Variants in EFCAB5 observed in about 807,000 individuals in gnomAD.
EFCAB5 encodes the protein EF-hand calcium-binding domain-containing protein 5.
In EFCAB5, 131 loss-of-function variants were observed where a neutral mutation model predicts 167.9. The observed-to-expected ratio is 0.78, with a 90% CI of 0.68 to 0.90. EFCAB5 has a LOEUF of 0.90. Among genes scored for constraint, EFCAB5 ranks in the 40% least tolerant of loss-of-function variants. The probability of loss-of-function intolerance (pLI) is 0.00; values close to 1 mark genes in which losing one functional copy is unlikely to be tolerated. For missense variants in EFCAB5, 1,663 were observed against 1,745.2 expected, an observed-to-expected ratio of 0.95 and a Z score of 0.84; for synonymous variants, 574 against 602.8, an observed-to-expected ratio of 0.95 and a Z score of 0.70.
At chr17:29,943,682 A>G in intron 3 of EFCAB5, 33 bp downstream of exon 3, 1 of 1,537,048 alleles carries the variant, frequency 6.5e-7, no homozygotes, top group South Asian at 1.2e-5. Context: ...ATACAATAGA[A>G]TCTAAAACTG....
At chr17:30,100,745 C>T (rs146034165) in intron 22 of EFCAB5, among the ~76,000 whole-genome samples, 27 of 148,720 alleles carry the variant, frequency 1.8e-4, no homozygotes, top group Admixed American at 1.3e-3. Flanking sequence ...CCAACCTAGG[C>T]GACAGAGTGA....
intron 8 of EFCAB5, among the ~76,000 whole-genome samples, chr17:30,043,052 A>T (rs1397825073): frequency 6.6e-6 from 1 of 152,130 alleles, no homozygotes; most frequent in Admixed American, 6.6e-5. Flanking sequence ...GATTGAGGTA[A>T]GAGGAGTGCT....
chr17:29,930,306 C>T (rs1054458797), intron 1 of EFCAB5: 1 of 424,942 alleles, frequency 2.4e-6, no homozygotes, highest in African/African-American at 2.1e-5. Context: ...GGTCGTAACC[C>T]TTGAGTTGCC....
At position 30,043,255 on chromosome 17, in the gene EFCAB5, AC is replaced by A. The variant is rs1427025232; in HGVS notation, c.1201-7860del. Among the ~76,000 whole-genome samples, 7 of 152,210 alleles carry A rather than the reference AC, an allele frequency of 4.6e-5. No individual in the cohort carries two copies. The East Asian group carries it at 1.3e-3, about 29-fold the overall frequency. On this transcript the variant is annotated intron_variant, in intron 8 of 22. Transcript: ENST00000394835. ...CTCTCAACACACTAAAATTTCTTCAACCCAATAAAGCACATCTATGAACAAC... is the reference window on the plus strand; with the variant it reads ...CTCTCAACACACTAAAATTTCTTCAACCAATAAAGCACATCTATGAACAAC...
At chr17:30,097,037 C>G (rs867011805) in intron 22 of EFCAB5, among the ~76,000 whole-genome samples, 1 of 94,314 alleles carries the variant, frequency 1.1e-5, no homozygotes, top group East Asian at 2.8e-4. Context: ...TATACATATA[C>G]ATATACATAT....
chr17:29,954,459 C>G (rs1406442249), intron 3 of EFCAB5, among the ~76,000 whole-genome samples: 1 of 152,206 alleles, frequency 6.6e-6, no homozygotes, highest in Non-Finnish European at 1.5e-5. Flanking sequence ...CAGGTGCAAG[C>G]CCTAAACCTT....
intron 22 of EFCAB5, among the ~76,000 whole-genome samples, chr17:30,102,438 A>C (rs750933293): frequency 2.6e-5 from 4 of 151,472 alleles, no homozygotes; most frequent in Non-Finnish European, 5.9e-5. Flanking sequence ...TGGTGTGATC[A>C]TGGCTCACTG....
intron 8 of EFCAB5, among the ~76,000 whole-genome samples, chr17:30,042,622 A>G (rs1486855040): frequency 6.6e-6 from 1 of 152,198 alleles, no homozygotes; most frequent in Non-Finnish European, 1.5e-5. Flanking sequence ...CCTTATATGT[A>G]TAAAGAAGTA....
intron 4 of EFCAB5, among the ~76,000 whole-genome samples, chr17:29,980,451 C>A (rs2068151129): frequency 6.6e-6 from 1 of 152,192 alleles, no homozygotes; most frequent in African/African-American, 2.4e-5. Flanking sequence ...TAATAAATGG[C>A]ACTTGCCAAA....
At chr17:30,094,427 T>C (rs1482989157) in intron 22 of EFCAB5, among the ~76,000 whole-genome samples, 1 of 149,642 alleles carries the variant, frequency 6.7e-6, no homozygotes, top group African/African-American at 2.5e-5. Context: ...TCCCGACACT[T>C]TGGGAGGCCA....
intron 7 of EFCAB5, among the ~76,000 whole-genome samples, chr17:30,032,422 G>T (rs2069502048): frequency 6.6e-6 from 1 of 152,110 alleles, no homozygotes; most frequent in Admixed American, 6.5e-5. Flanking sequence ...TTTGGCATAA[G>T]GATTACTTTC....
At chr17:29,987,895 T>C (rs1257080528) in intron 4 of EFCAB5, among the ~76,000 whole-genome samples, 2 of 152,144 alleles carry the variant, frequency 1.3e-5, no homozygotes, top group Non-Finnish European at 2.9e-5. Context: ...TGAGAAAAGG[T>C]GTCCACACAT....
At chr17:30,008,743 C>CT (rs2068829503) in intron 7 of EFCAB5, among the ~76,000 whole-genome samples, 1 of 151,828 alleles carries the variant, frequency 6.6e-6, no homozygotes, top group African/African-American at 2.4e-5. Flanking sequence ...GATTTTTAAA[C>CT]TTTTTTTGGT....
intron 4 of EFCAB5, among the ~76,000 whole-genome samples, chr17:29,985,213 C>T (rs1246383399): frequency 6.6e-6 from 1 of 152,172 alleles, no homozygotes; most frequent in Non-Finnish European, 1.5e-5. Context: ...GTTCTGGCTG[C>T]AAGGGTAACT....
chr17:30,066,557 A>G (rs184100783), intron 14 of EFCAB5, among the ~76,000 whole-genome samples: 215 of 152,272 alleles, frequency 1.4e-3, no homozygotes, highest in Non-Finnish European at 1.6e-3. Context: ...AAATGCTCAC[A>G]TCAAAATTGT....
intron 8 of EFCAB5, among the ~76,000 whole-genome samples, chr17:30,043,110 C>T (rs1252289954): frequency 6.6e-6 from 1 of 151,958 alleles, no homozygotes; most frequent in East Asian, 1.9e-4. Flanking sequence ...CAAGACCACC[C>T]CCATCTCTTA....
intron 7 of EFCAB5, among the ~76,000 whole-genome samples, chr17:30,006,831 T>C (rs1239233591): frequency 1.3e-5 from 2 of 152,170 alleles, no homozygotes; most frequent in Non-Finnish European, 2.9e-5. Flanking sequence ...CTAATTTTGT[T>C]TATTTTTGTG....
intron 16 of EFCAB5, 148 bp downstream of exon 16, chr17:30,080,389 G>A: frequency 1.2e-6 from 1 of 810,390 alleles, no homozygotes; most frequent in African/African-American, 1.8e-5. Context: ...ATGGCTTCCA[G>A]TCCTGGATGA....
intron 7 of EFCAB5, among the ~76,000 whole-genome samples, chr17:30,032,175 T>A (rs1354529315): frequency 6.6e-6 from 1 of 152,176 alleles, no homozygotes; most frequent in Non-Finnish European, 1.5e-5. Context: ...GAAACCAACC[T>A]GAGCTGAATA....
Sources: allele counts gnomAD v4.1 joint callset (sites outside exome capture counted in the v4.1 genomes callset), GRCh38; gene constraint gnomAD v4.1.1; transcripts MANE v1.5; gene names NCBI Gene and HGNC (gene_info 2026-07-23, HGNC 2026-07-21).